VPS51: variants seen among roughly 807,000 people sequenced by gnomAD.
VPS51 encodes the protein vacuolar protein sorting-associated protein 51 homolog.
VPS51 carries 55 observed loss-of-function variants against 65.1 expected under a neutral mutation model. The observed-to-expected ratio is 0.84, with a 90% CI of 0.68 to 1.06. The LOEUF is 1.06. VPS51 is among the 50% of genes least tolerant of loss of function. The pLI, the probability that VPS51 is intolerant of heterozygous loss-of-function variation, is 0.00. For synonymous variants in VPS51, 473 were observed against 489.5 expected (o/e 0.97, Z 0.44); for missense variants, 943 against 1,101.6 (o/e 0.86, Z 2.04).
Position 65,111,540 on chromosome 11 carries a change from GTGCCCA to G in VPS51, c.2305_2310del (p.Pro769_Met770del). The G allele has an allele frequency of 1.9e-6, 3 of 1,612,342 alleles. No individual in the cohort carries two copies. Among genetic ancestry groups the G allele is most frequent in the Non-Finnish European group, 2.5e-6 (3 of 1,180,010 alleles). ...TGCTGCCCTGCGCTGCCCAGACCCT[GTGCCCA>G]TGGAGCCCAGTGTGGTTGAGGTCAT... On this transcript the variant is annotated inframe_deletion, in exon 10 of 10. Transcript: ENST00000279281.
intron 1 of VPS51, 40 bp downstream of exon 1, chr11:65,096,518 G>GGGGGGCGGGGGC: frequency 4.0e-6 from 2 of 499,412 alleles, no homozygotes; most frequent in Non-Finnish European, 7.3e-6. Flanking sequence ...GGGGAGGGGG[G>GGGGGGCGGGGGC]AAGGGAACCA....
In VPS51 at chr11:65,107,757, G is replaced by A. The variant is rs763284395; in HGVS notation, c.505+30G>A. 14 of 1,604,760 alleles carry A rather than the reference G, an allele frequency of 8.7e-6. No individual in the cohort carries two copies. Among genetic ancestry groups the A allele is most frequent in the East Asian group, 2.2e-5 (1 of 44,644 alleles). On this transcript the variant is annotated intron_variant, in intron 3 of 9. Coordinates refer to ENST00000279281, the MANE Select transcript of VPS51 (RefSeq NM_013265.4). This position sits in a 1 kb window ranked among gnomAD's most constrained non-coding sequence, Gnocchi z 4.0. ...GCGCTGCCGGGCAGGGCCTGCAGTG[G>A]GCCTTTCCTGGGGCTCTGGGGCTAA...
At position 65,108,411 on chromosome 11, in the gene VPS51, G is replaced by A. The variant is rs902263784; in HGVS notation, c.940G>A (p.Gly314Ser). 4 of 1,611,970 alleles carry A rather than the reference G, an allele frequency of 2.5e-6. No homozygotes were observed. The highest frequency in any genetic ancestry group is 2.7e-5 in the African/African-American group (2 of 74,922). Residue 314 changes from glycine (G) to serine (S), a missense_variant, in exon 5 of 10, where the codon GGC (glycine) becomes AGC (serine). Transcript: ENST00000279281. ...CCATGGAGGCAGTGGCTTCGTGGGC[G>A]GCCTCTGCCAGGTGGCGGCGGCCTA... The part of the protein sequence containing the change: ...TDHGGSGFVG[G>S]LCQVAAAYQE...
chr11:65,097,042 G>T lies in VPS51; in HGVS notation c.273G>T (p.Thr91=). ...CPLAQLMDSE[T]DMVRQIRALD... Reference sequence around the variant, plus strand: ...TGGCCCAGTTGATGGACAGTGAGACGGACATGGTGCGGCAGATCCGGGCTC... The same window carrying T: ...TGGCCCAGTTGATGGACAGTGAGACTGACATGGTGCGGCAGATCCGGGCTC... The change falls in exon 2 of 10, where the codon ACG becomes ACT. Residue 91 remains threonine (T), a synonymous_variant. Transcript: ENST00000279281. 1.2e-6 allele frequency: 2 copies of T among 1,613,994 alleles called. No individual in the cohort carries two copies. Among genetic ancestry groups the T allele is most frequent in the Non-Finnish European group, 1.7e-6 (2 of 1,180,014 alleles).
chr11:65,104,487 A>C, intron 2 of VPS51, among the ~76,000 whole-genome samples: 1 of 152,186 alleles, frequency 6.6e-6, no homozygotes, highest in East Asian at 1.9e-4. Context: ...AGAGTTTTTT[A>C]AAAATCAAGA....
intron 2 of VPS51, among the ~76,000 whole-genome samples, chr11:65,104,599 A>G (rs190141998): frequency 1.4e-3 from 208 of 152,306 alleles, no homozygotes; most frequent in Non-Finnish European, 2.6e-3. Context: ...GTGTTTATCA[A>G]TTATTATTTT....
chr11:65,101,324 C>T (rs1197794786), intron 2 of VPS51, among the ~76,000 whole-genome samples: 1 of 152,176 alleles, frequency 6.6e-6, no homozygotes, highest in Non-Finnish European at 1.5e-5. Context: ...GTTTGCCAAC[C>T]TCTCACCTAG....
chr11:65,098,163 A>G (rs944062473), intron 2 of VPS51, among the ~76,000 whole-genome samples: 13 of 152,122 alleles, frequency 8.5e-5, no homozygotes, highest in Admixed American at 2.0e-4. Flanking sequence ...CCTAGGCAGC[A>G]GAGCAAGACT....
chr11:65,105,524 C>T (rs1947836242), intron 2 of VPS51: 1 of 152,176 alleles, frequency 6.6e-6, no homozygotes, highest in South Asian at 2.1e-4. Flanking sequence ...ATCATGACCA[C>T]AGAAGAGTTC....
chr11:65,100,221 A>G (rs1459084950), intron 2 of VPS51, among the ~76,000 whole-genome samples: 1 of 152,240 alleles, frequency 6.6e-6, no homozygotes, highest in African/African-American at 2.4e-5. Flanking sequence ...AACGTTTTTT[A>G]GCTCAGGGCT....
At chr11:65,110,156 C>T (rs1358165285) in intron 7 of VPS51, 12 of 623,110 alleles carry the variant, frequency 1.9e-5, no homozygotes, top group Non-Finnish European at 3.3e-5. Flanking sequence ...TGTCCACGGT[C>T]TTGTTCCTTC....
At chr11:65,106,201 C>G (rs949250648) in intron 2 of VPS51, among the ~76,000 whole-genome samples, 3 of 152,188 alleles carry the variant, frequency 2.0e-5, no homozygotes, top group African/African-American at 7.2e-5. Flanking sequence ...GAAAATGTTG[C>G]AGGTAGACCT....
chr11:65,101,791 A>AG (rs1947810449), intron 2 of VPS51, among the ~76,000 whole-genome samples: 1 of 146,612 alleles, frequency 6.8e-6, no homozygotes, highest in Non-Finnish European at 1.5e-5. Context: ...AAAAAAAAAA[A>AG]GAAAATTAAC....
In VPS51 at chr11:65,110,323, A is replaced by ATAAATAGCGACCATGTACCTAC. The variant is rs1307957851; in HGVS notation, c.1879-149_1879-128dup. Reference sequence around the variant, plus strand: ...GCCTTTGCCCCACTCCACTGGTTCTATAAATAGCGACCATGTACCTACTAA... The same window carrying ATAAATAGCGACCATGTACCTAC: ...GCCTTTGCCCCACTCCACTGGTTCTATAAATAGCGACCATGTACCTACTAAATAGCGACCATGTACCTACTAA... On this transcript the variant is annotated intron_variant, in intron 7 of 9. Coordinates refer to ENST00000279281, the MANE Select transcript of VPS51 (RefSeq NM_013265.4). 1.1e-5 allele frequency: 14 copies of ATAAATAGCGACCATGTACCTAC among 1,284,680 alleles called. 1 individual carries two copies. The East Asian group carries it at 1.9e-4, about 17-fold the overall frequency. 79.6% of individuals were successfully genotyped at this position (1,284,680 alleles called of 1,614,324 possible). A position where few individuals can be genotyped will look rare whatever the true frequency, so the allele number is the denominator to read the frequency against.
Position 65,109,383 on chromosome 11 carries a change from G to A in VPS51, c.1547G>A (p.Gly516Glu), listed in dbSNP as rs1436205828. The A allele has an allele frequency of 2.5e-6, 4 of 1,612,474 alleles. No homozygotes were observed. The highest frequency in any genetic ancestry group is 2.2e-5 in the East Asian group (1 of 44,892). ...QSFCDSPGEKGGATPPALLLL... is the reference protein window; with the variant it reads ...QSFCDSPGEKEGATPPALLLL... ...TTCTGCGACAGCCCTGGGGAGAAGG[G>A]GGGTGCCACACCACCTGCCCTGCTC... Residue 516 changes from glycine to glutamate, a missense_variant, in exon 6 of 10, where the codon GGG becomes GAG. Gly to Glu is a moderately conservative substitution (Grantham distance 98). Around this residue, in one of 2 missense-constraint regions of VPS51, gnomAD observed 855 missense variants for 953.7 expected, o/e 0.90. Coordinates refer to ENST00000279281, the MANE Select transcript of VPS51 (RefSeq NM_013265.4).
chr11:65,096,402 G>A lies in VPS51; in HGVS notation c.152G>A (p.Arg51His). 2 of 1,528,830 alleles carry A rather than the reference G, an allele frequency of 1.3e-6. No homozygotes were observed. Among genetic ancestry groups the A allele is most frequent in the Non-Finnish European group, 1.7e-6 (2 of 1,147,084 alleles). 94.7% of individuals were successfully genotyped at this position (1,528,830 alleles called of 1,614,324 possible). The change falls in exon 1 of 10, where the codon CGC becomes CAC. Residue 51 changes from arginine (R) to histidine (H), a missense_variant. By Grantham distance (29) the Arg-to-His change is conservative (BLOSUM62 0). Around this residue, in one of 2 missense-constraint regions of VPS51, gnomAD observed 855 missense variants for 953.7 expected, o/e 0.90. Coordinates refer to ENST00000279281, the MANE Select transcript of VPS51 (RefSeq NM_013265.4). ...CTCTCGGAAGGGGAGGCGGCGGGAC[G>A]CCCCGCGGGGCCCGACCCCCTGGAC... is the stretch of plus-strand genomic sequence containing the variant. ...YGLSEGEAAG[R>H]PAGPDPLDPT...
chr11:65,109,077 G>A, intron 5 of VPS51, 163 bp downstream of exon 5: 1 of 1,062,562 alleles, frequency 9.4e-7, no homozygotes, highest in Non-Finnish European at 1.4e-6. Context: ...TCTGCAGCTG[G>A]GCTGAGAAGC....
rs1947849927 is a variant in VPS51 at position 65,107,471 on chromosome 11, G to A, written c.359-110G>A. 3.6e-6 allele frequency: 5 copies of A among 1,371,856 alleles called. No homozygotes were observed. The African/African-American group carries it at 4.4e-5, about 12-fold the overall frequency. The allele number at this position is 1,371,856 out of a possible 1,614,324, so 85.0% of individuals were successfully genotyped here. On this transcript the variant is annotated intron_variant, in intron 2 of 9. Coordinates refer to ENST00000279281, the MANE Select transcript of VPS51 (RefSeq NM_013265.4). This position sits in a 1 kb window ranked among gnomAD's most constrained non-coding sequence, Gnocchi z 4.0. Reference sequence around the variant, plus strand: ...GTCCTTTCTCTGGAATCATCCATGCGCCCCTGGAGCAAGCTGGGGCGTCTG... The same window carrying A: ...GTCCTTTCTCTGGAATCATCCATGCACCCCTGGAGCAAGCTGGGGCGTCTG...
intron 5 of VPS51, 55 bp downstream of exon 5, chr11:65,108,969 CT>C: frequency 1.3e-6 from 2 of 1,582,274 alleles, no homozygotes; most frequent in Non-Finnish European, 1.7e-6. Flanking sequence ...CCTCCAAAAC[CT>C]TTTATGCCAG....
Sources: allele counts gnomAD v4.1 joint callset (sites outside exome capture counted in the v4.1 genomes callset), GRCh38; gene constraint gnomAD v4.1.1; regional missense constraint gnomAD v4.1.1; non-coding constraint Gnocchi (gnomAD v3.1); transcripts MANE v1.5; gene names NCBI Gene and HGNC (gene_info 2026-07-23, HGNC 2026-07-21).